The following RAD51B variants were observed in gnomAD, a reference collection of about 807,000 sequenced individuals.
RAD51B encodes the protein DNA repair protein RAD51 homolog 2.
RAD51B carries 38 observed loss-of-function variants against 42.2 expected under a neutral mutation model. That is an observed-to-expected ratio of 0.90 (90% CI 0.70 to 1.18). The LOEUF (loss-of-function observed/expected upper bound fraction) is 1.18, where lower values mean the gene tolerates loss of function less well. RAD51B is among the 50% of genes most tolerant of loss of function. RAD51B has a pLI of 0.00. For synonymous variants in RAD51B, 154 were observed against 145.2 expected, an observed-to-expected ratio of 1.06 and a Z score of -0.43; for missense variants, 373 against 400.7, an observed-to-expected ratio of 0.93 and a Z score of 0.59.
rs184042476 is a variant in RAD51B, at chr14:68,309,682, C to T, written c.853+17702C>T. On this transcript the variant is annotated intron_variant, in intron 8 of 10. Coordinates refer to ENST00000471583, the MANE Select transcript of RAD51B (RefSeq NM_133510.4). Reference sequence around the variant, plus strand: ...ATAATAACAATAATGATAATAATGCCAATCACTTTAATTAAATCTCCCTAA... The same window carrying T: ...ATAATAACAATAATGATAATAATGCTAATCACTTTAATTAAATCTCCCTAA... Among the ~76,000 whole-genome samples the T allele has an allele frequency of 5.5e-4, 83 of 152,202 alleles. 1 individual carries two copies. Among genetic ancestry groups the T allele is most frequent in the Middle Eastern group, 6.8e-3 (2 of 294 alleles).
Position 68,410,943 on chromosome 14 carries a change from G to GT in RAD51B, c.854-481_854-480insT, listed in dbSNP as rs909255609. On this transcript the variant is annotated intron_variant, in intron 8 of 10. Transcript: ENST00000471583. ...TTCCTTTTTTTGCGTTGTGTATACGGGGGGGTGGGAGGACCAGGGAATTTT... is the reference window on the plus strand; with the variant it reads ...TTCCTTTTTTTGCGTTGTGTATACGGTGGGGGTGGGAGGACCAGGGAATTTT... Among the ~76,000 whole-genome samples the GT allele has an allele frequency of 2.6e-3, 400 of 151,986 alleles. 2 individuals are homozygous for GT. Among genetic ancestry groups the GT allele is most frequent in the African/African-American group, 9.1e-3 (377 of 41,440 alleles).
chr14:68,195,958 C>T, intron 7 of RAD51B, among the ~76,000 whole-genome samples: 1 of 150,502 alleles, frequency 6.6e-6, no homozygotes, highest in Admixed American at 6.6e-5. Flanking sequence ...ATGGCTCATG[C>T]CTGTAATCCC....
intron 7 of RAD51B, among the ~76,000 whole-genome samples, chr14:68,087,867 ATAT>A (rs1566634107): frequency 1.3e-5 from 1 of 79,110 alleles, no homozygotes; most frequent in Non-Finnish European, 2.3e-5. Context: ...TAATTATATA[ATAT>A]ATTATTTATA....
chr14:68,455,839 T>C (rs2085672284), intron 9 of RAD51B, among the ~76,000 whole-genome samples: 1 of 152,144 alleles, frequency 6.6e-6, no homozygotes, highest in Admixed American at 6.5e-5. Context: ...CCCATCTGAT[T>C]TGAAAGATAA....
At chr14:68,006,572 G>T (rs901933229) in intron 7 of RAD51B, among the ~76,000 whole-genome samples, 1 of 151,970 alleles carries the variant, frequency 6.6e-6, no homozygotes, top group African/African-American at 2.4e-5. Context: ...TTTACATACT[G>T]TTTTGTACCT....
chr14:67,850,550 G>A (rs922681559), intron 4 of RAD51B, among the ~76,000 whole-genome samples: 10 of 152,152 alleles, frequency 6.6e-5, no homozygotes, highest in African/African-American at 2.4e-4. Context: ...GGTGGAAGCA[G>A]ACAGTTATGT....
chr14:68,538,074 C>T (rs1410063289), intron 10 of RAD51B, among the ~76,000 whole-genome samples: 1 of 152,180 alleles, frequency 6.6e-6, no homozygotes, highest in African/African-American at 2.4e-5. Context: ...TTGGAACCCA[C>T]GCTTCAAAGA....
At position 68,366,312 on chromosome 14, in the gene RAD51B, A is replaced by G. The variant is rs34895464; in HGVS notation, c.854-45112A>G. ...GTGACGGTGATAAGACATTGGCCAA[A>G]TCATCCTCTCTCTGACCATGACAAA... On this transcript the variant is annotated intron_variant, in intron 8 of 10. Transcript: ENST00000471583. Among the ~76,000 whole-genome samples, 1,354 of 152,296 alleles carry G rather than the reference A, an allele frequency of 8.9e-3. 21 individuals carry two copies. Among genetic ancestry groups the G allele is most frequent in the African/African-American group, 0.032 (1,314 of 41,556 alleles).
chr14:68,602,522 C>A (rs2331778), intron 10 of RAD51B, among the ~76,000 whole-genome samples: 80,155 of 129,556 alleles, frequency 0.62, 22,071 homozygotes, highest in African/African-American at 0.68. Context: ...AGATAGCTAG[C>A]TAGATAGATA....
intron 10 of RAD51B, among the ~76,000 whole-genome samples, chr14:68,578,884 T>C (rs902594847): frequency 2.6e-5 from 4 of 152,212 alleles, no homozygotes; most frequent in African/African-American, 9.7e-5. Context: ...TCTGGAAATA[T>C]CAAGGGTTCA....
intron 4 of RAD51B, among the ~76,000 whole-genome samples, chr14:67,847,190 G>A (rs1280089945): frequency 6.6e-6 from 1 of 152,156 alleles, no homozygotes; most frequent in East Asian, 1.9e-4. Context: ...CTCAGAATGT[G>A]CCAGTCTTCC....
At chr14:67,919,483 G>A (rs2044254848) in intron 7 of RAD51B, among the ~76,000 whole-genome samples, 1 of 152,154 alleles carries the variant, frequency 6.6e-6, no homozygotes, top group Non-Finnish European at 1.5e-5. Context: ...AGAGGAATCT[G>A]CAAGCTGACT....
chr14:68,263,873 GTAGGT>G (rs1291318407), intron 7 of RAD51B, among the ~76,000 whole-genome samples: 3 of 152,212 alleles, frequency 2.0e-5, no homozygotes, highest in South Asian at 2.1e-4. Flanking sequence ...ACAATGTATA[GTAGGT>G]TAAAGGGATG....
At chr14:68,091,663 A>T (rs2077101766) in intron 7 of RAD51B, among the ~76,000 whole-genome samples, 1 of 152,094 alleles carries the variant, frequency 6.6e-6, no homozygotes, top group African/African-American at 2.4e-5. Context: ...GTTCACTCTG[A>T]TGGTAGTTTC....
In RAD51B at chr14:68,304,478, C is replaced by G. The variant is rs144453533; in HGVS notation, c.853+12498C>G. On this transcript the variant is annotated intron_variant, in intron 8 of 10. Coordinates refer to ENST00000471583, the MANE Select transcript of RAD51B (RefSeq NM_133510.4). ...TCAGCTCTTCAAGATGATCATACAACTACCTCAGCTAGAGCTTATGATCAC... is the reference window on the plus strand; with the variant it reads ...TCAGCTCTTCAAGATGATCATACAAGTACCTCAGCTAGAGCTTATGATCAC... Among the ~76,000 whole-genome samples the G allele has an allele frequency of 5.1e-3, 770 of 152,322 alleles. 2 individuals are homozygous for G. The highest frequency in any genetic ancestry group is 8.2e-3 in the Admixed American group (125 of 15,302).
At chr14:68,246,571 G>A (rs1469889344) in intron 7 of RAD51B, among the ~76,000 whole-genome samples, 1 of 152,142 alleles carries the variant, frequency 6.6e-6, no homozygotes, top group African/African-American at 2.4e-5. Flanking sequence ...CACCAGCTGG[G>A]CTTTTTCTAG....
chr14:68,569,394 G>A (rs1889582396), intron 10 of RAD51B, among the ~76,000 whole-genome samples: 4 of 152,192 alleles, frequency 2.6e-5, no homozygotes, highest in Admixed American at 1.3e-4. Context: ...AACTCACCAC[G>A]CCTTGAAAGA....
intron 10 of RAD51B, among the ~76,000 whole-genome samples, chr14:68,520,357 A>G (rs1419225204): frequency 1.3e-5 from 2 of 152,230 alleles, no homozygotes; most frequent in Non-Finnish European, 2.9e-5. Flanking sequence ...ATGAACTATT[A>G]GATTACTGGC....
intron 10 of RAD51B, among the ~76,000 whole-genome samples, chr14:68,502,052 G>A (rs1440225687): frequency 1.2e-4 from 18 of 152,248 alleles, no homozygotes; most frequent in Admixed American, 1.0e-3. Flanking sequence ...GGAAGGCCAC[G>A]TCTGAGCCAT....
Sources: allele counts gnomAD v4.1 joint callset (sites outside exome capture counted in the v4.1 genomes callset), GRCh38; gene constraint gnomAD v4.1.1; transcripts MANE v1.5; gene names NCBI Gene and HGNC (gene_info 2026-07-23, HGNC 2026-07-21).